The following NCK1 variants were observed in gnomAD, a reference collection of about 807,000 sequenced individuals.
NCK1 encodes the protein SH2/SH3 adapter protein NCK1.
NCK1 carries 19 observed loss-of-function variants against 36.6 expected under a neutral mutation model. That is an observed-to-expected ratio of 0.52 (90% CI 0.36 to 0.76). NCK1 has a LOEUF of 0.76. Among genes scored for constraint, NCK1 ranks in the 30% least tolerant of loss-of-function variants. The pLI, the probability that NCK1 is intolerant of heterozygous loss-of-function variation, is 0.00. For missense variants in NCK1, 358 were observed against 445.6 expected, an observed-to-expected ratio of 0.80 and a Z score of 1.77; for synonymous variants, 165 against 156.0, an observed-to-expected ratio of 1.06 and a Z score of -0.43.
chr3:136,913,872 G>C (rs1939892700), intron 1 of NCK1, among the ~76,000 whole-genome samples: 1 of 152,162 alleles, frequency 6.6e-6, no homozygotes, highest in South Asian at 2.1e-4. Flanking sequence ...GTTTCACCGT[G>C]TTAGCCAGGA....
intron 1 of NCK1, among the ~76,000 whole-genome samples, chr3:136,886,523 G>A (rs1296274978): frequency 6.6e-6 from 1 of 151,874 alleles, no homozygotes; most frequent in African/African-American, 2.4e-5. Context: ...GTCTGTATAT[G>A]TTTAGTACAG....
chr3:136,881,055 G>C (rs931583453), intron 1 of NCK1, among the ~76,000 whole-genome samples: 11 of 152,030 alleles, frequency 7.2e-5, no homozygotes, highest in South Asian at 2.1e-4. Context: ...TGTCATACTT[G>C]ATACCTTTCT....
intron 1 of NCK1, among the ~76,000 whole-genome samples, chr3:136,878,467 G>C (rs921312626): frequency 6.6e-6 from 1 of 152,128 alleles, no homozygotes; most frequent in African/African-American, 2.4e-5. Context: ...GATTCCATTT[G>C]TATGAAGTAT....
intron 1 of NCK1, among the ~76,000 whole-genome samples, chr3:136,882,204 T>A (rs2343662): frequency 0.67 from 101,815 of 151,876 alleles, 34,540 homozygotes; most frequent in East Asian, 0.87. Context: ...CATGTTTTTT[T>A]AAAAATAGTA....
intron 1 of NCK1, among the ~76,000 whole-genome samples, chr3:136,895,617 T>C (rs546081695): frequency 6.6e-6 from 1 of 152,286 alleles, no homozygotes; most frequent in South Asian, 2.1e-4. Flanking sequence ...CAGGCTGGAG[T>C]GCAGTGGCAC....
chr3:136,908,365 G>T (rs534224962), intron 1 of NCK1, among the ~76,000 whole-genome samples: 1 of 152,166 alleles, frequency 6.6e-6, no homozygotes, highest in African/African-American at 2.4e-5. Context: ...ATGATAGAGG[G>T]TTTTAAAAGA....
intron 1 of NCK1, among the ~76,000 whole-genome samples, chr3:136,905,767 G>A (rs1363221035): frequency 6.6e-6 from 1 of 151,958 alleles, no homozygotes; most frequent in African/African-American, 2.4e-5. Flanking sequence ...TGGGACTACA[G>A]GTGCATGCCA....
At chr3:136,870,306 C>T (rs1040349866) in intron 1 of NCK1, among the ~76,000 whole-genome samples, 5 of 150,158 alleles carry the variant, frequency 3.3e-5, no homozygotes, top group Admixed American at 3.3e-4. Context: ...CATGCCACTG[C>T]ACTCCAGCCT....
chr3:136,872,224 A>T (rs1203769122), intron 1 of NCK1, among the ~76,000 whole-genome samples: 1 of 152,198 alleles, frequency 6.6e-6, no homozygotes, highest in Non-Finnish European at 1.5e-5. Context: ...TATGGACCAT[A>T]AAGTCCAGGC....
At chr3:136,924,268 C>A (rs1226453077) in intron 1 of NCK1, among the ~76,000 whole-genome samples, 8 of 152,104 alleles carry the variant, frequency 5.3e-5, no homozygotes, top group African/African-American at 1.9e-4. Context: ...GACAAAACAA[C>A]CTAGAAAAAG....
intron 1 of NCK1, among the ~76,000 whole-genome samples, chr3:136,914,094 C>G (rs9837990): frequency 0.63 from 95,501 of 152,160 alleles, 30,286 homozygotes; most frequent in East Asian, 0.87. Flanking sequence ...TTTAAATCCC[C>G]TTTAGCCTGA....
chr3:136,948,254 T>C lies in NCK1; in HGVS notation c.940-5T>C. On this transcript the variant is annotated splice_region_variant and splice_polypyrimidine_tract_variant and intron_variant, in intron 3 of 3. Coordinates refer to ENST00000481752, the MANE Select transcript of NCK1 (RefSeq NM_001291999.2). Reference sequence around the variant, plus strand: ...TACTATATGTATCTTTTTTTTCTCTTTTAGCCAAATGATTTCTCAGTATCA... The same window carrying C: ...TACTATATGTATCTTTTTTTTCTCTCTTAGCCAAATGATTTCTCAGTATCA... 6.3e-7 allele frequency: 1 copy of C among 1,582,222 alleles called. No homozygotes were observed. Among genetic ancestry groups the C allele is most frequent in the Admixed American group, 1.9e-5 (1 of 52,878 alleles).
chr3:136,950,704 C>T lies in NCK1; in HGVS notation c.*2251C>T, dbSNP rs539530103. On this transcript the variant is annotated 3_prime_UTR_variant, in exon 4 of 4. Coordinates refer to ENST00000481752, the MANE Select transcript of NCK1 (RefSeq NM_001291999.2). Reference sequence around the variant, plus strand: ...CTTATTCCCAGCCTGGTGTCTGTATCGTGACACACTACTCTGTGTATGCTT... The same window carrying T: ...CTTATTCCCAGCCTGGTGTCTGTATTGTGACACACTACTCTGTGTATGCTT... Among the ~76,000 whole-genome samples, 3 of 152,074 alleles carry T rather than the reference C, an allele frequency of 2.0e-5. No individual in the cohort carries two copies. The highest frequency in any genetic ancestry group is 4.1e-4 in the South Asian group (2 of 4,826).
intron 1 of NCK1, among the ~76,000 whole-genome samples, chr3:136,927,290 T>C (rs1171304476): frequency 6.6e-6 from 1 of 152,206 alleles, no homozygotes; most frequent in African/African-American, 2.4e-5. Flanking sequence ...TTCTTTGTTT[T>C]GTTACTCTGA....
chr3:136,942,170 G>A (rs1940696044), intron 2 of NCK1, among the ~76,000 whole-genome samples: 1 of 152,162 alleles, frequency 6.6e-6, no homozygotes. Flanking sequence ...AGGTCTGGTA[G>A]TGATGAATTC....
chr3:136,882,529 C>T (rs1938969720), intron 1 of NCK1, among the ~76,000 whole-genome samples: 1 of 150,150 alleles, frequency 6.7e-6, no homozygotes, highest in Non-Finnish European at 1.5e-5. Context: ...TGAAAGTTTA[C>T]ATTACTTTCC....
chr3:136,877,072 A>G (rs1435853538), intron 1 of NCK1, among the ~76,000 whole-genome samples: 2 of 152,204 alleles, frequency 1.3e-5, no homozygotes, highest in Non-Finnish European at 2.9e-5. Context: ...TAAGCATAAT[A>G]TGAGATATTT....
intron 1 of NCK1, among the ~76,000 whole-genome samples, chr3:136,901,959 A>G (rs1939551239): frequency 6.6e-6 from 1 of 151,904 alleles, no homozygotes. Flanking sequence ...TTTCTTTAAA[A>G]TCTTACTACT....
chr3:136,918,138 T>C (rs1011023946), intron 1 of NCK1, among the ~76,000 whole-genome samples: 4 of 152,188 alleles, frequency 2.6e-5, no homozygotes, highest in South Asian at 2.1e-4. Flanking sequence ...AGTGAAAAGA[T>C]GGGTGGTTTT....
Sources: gnomAD v4.1 joint callset for allele counts (sites outside exome capture counted in the v4.1 genomes callset) on GRCh38, gnomAD v4.1.1 for gene constraint, MANE v1.5 for transcripts, NCBI Gene and HGNC (gene_info 2026-07-23, HGNC 2026-07-21) for gene names.